CNTNAP2: variants seen among roughly 807,000 people sequenced by gnomAD.
CNTNAP2 encodes the protein contactin associated protein 2.
A neutral mutation model predicts 155.2 loss-of-function variants in CNTNAP2; 98 were observed. That is an observed-to-expected ratio of 0.63 (90% confidence interval 0.54 to 0.75). CNTNAP2 has a LOEUF of 0.75. CNTNAP2 is among the 30% of genes least tolerant of loss of function. CNTNAP2 has a pLI of 0.00. For missense variants in CNTNAP2, 1,727 were observed against 1,688.1 expected (o/e 1.02, Z -0.40); for synonymous variants, 651 against 631.2 (o/e 1.03, Z -0.47).
chr7:146,234,150 T>C (rs968563739), intron 1 of CNTNAP2, among the ~76,000 whole-genome samples: 13 of 149,840 alleles, frequency 8.7e-5, no homozygotes, highest in Non-Finnish European at 1.5e-4. Context: ...TTTTTAATGA[T>C]TGCCATTCTA....
chr7:147,366,597 C>T (rs1413797082), intron 9 of CNTNAP2, among the ~76,000 whole-genome samples: 1 of 151,820 alleles, frequency 6.6e-6, no homozygotes, highest in African/African-American at 2.4e-5. Context: ...ATACTATATT[C>T]TTTATTTTTA....
intron 8 of CNTNAP2, among the ~76,000 whole-genome samples, chr7:147,249,759 C>T (rs1285229422): frequency 6.6e-6 from 1 of 151,988 alleles, no homozygotes; most frequent in African/African-American, 2.4e-5. Flanking sequence ...TGATTGAGTC[C>T]AGTTGTGATA....
chr7:146,155,030 A>T (rs1798104496), intron 1 of CNTNAP2, among the ~76,000 whole-genome samples: 1 of 152,232 alleles, frequency 6.6e-6, no homozygotes, highest in African/African-American at 2.4e-5. Flanking sequence ...ACACATAGAT[A>T]TAAACTCTAA....
At chr7:146,243,580 A>AT (rs1399408268) in intron 1 of CNTNAP2, among the ~76,000 whole-genome samples, 1 of 152,134 alleles carries the variant, frequency 6.6e-6, no homozygotes, top group Non-Finnish European at 1.5e-5. Context: ...TTAAATATTA[A>AT]TTTTTTCTAT....
intron 13 of CNTNAP2, among the ~76,000 whole-genome samples, chr7:147,801,333 T>TA (rs1255321510): frequency 1.4e-5 from 2 of 140,100 alleles, no homozygotes; most frequent in African/African-American, 2.8e-5. Context: ...TTTAATTTTT[T>TA]TTTTTTTTTA....
chr7:147,132,776 T>C (rs2129285390), intron 8 of CNTNAP2, among the ~76,000 whole-genome samples: 1 of 152,272 alleles, frequency 6.6e-6, no homozygotes, highest in South Asian at 2.1e-4. Context: ...TTATTTTTAA[T>C]AGATAAATTG....
intron 11 of CNTNAP2, among the ~76,000 whole-genome samples, chr7:147,550,692 G>C (rs916774210): frequency 6.6e-6 from 1 of 152,120 alleles, no homozygotes; most frequent in Non-Finnish European, 1.5e-5. Context: ...TTTGCCTCTG[G>C]CCACTGAGGA....
intron 13 of CNTNAP2, among the ~76,000 whole-genome samples, chr7:147,870,597 C>T (rs1329235645): frequency 6.6e-6 from 1 of 152,176 alleles, no homozygotes; most frequent in Non-Finnish European, 1.5e-5. Flanking sequence ...ATGCTCAACC[C>T]CAATGCCAAG....
chr7:146,532,338 G>A (rs1797782162), intron 1 of CNTNAP2, among the ~76,000 whole-genome samples: 1 of 152,124 alleles, frequency 6.6e-6, no homozygotes, highest in Non-Finnish European at 1.5e-5. Context: ...TAAAAATATG[G>A]AAAAGTGTGT....
intron 11 of CNTNAP2, among the ~76,000 whole-genome samples, chr7:147,489,063 C>A (rs896202358): frequency 1.3e-5 from 2 of 152,214 alleles, no homozygotes; most frequent in Non-Finnish European, 2.9e-5. Flanking sequence ...TGTCACCATA[C>A]ATTGTTTGCT....
rs374732115 is a variant in CNTNAP2, at chr7:147,699,035, T to G, written c.2098+59729T>G. On this transcript the variant is annotated intron_variant, in intron 13 of 23. Coordinates refer to ENST00000361727, the MANE Select transcript of CNTNAP2 (RefSeq NM_014141.6). ...TTGACCAATAGAACTAAAGAAGAAC[T>G]TGATAAATTTGACTACATGTAAACA... 3.0e-4 allele frequency among the ~76,000 whole-genome samples: 46 copies of G among 152,110 alleles called. 2 individuals are homozygous for G. In the East Asian group the frequency reaches 4.3e-3, roughly 14 times the overall value.
rs141681589 is a variant in CNTNAP2, at chr7:146,496,877, C to T, written c.98-277394C>T. Among the ~76,000 whole-genome samples the T allele has an allele frequency of 4.6e-3, 697 of 152,298 alleles. 4 individuals are homozygous for T. Among genetic ancestry groups the T allele is most frequent in the Non-Finnish European group, 6.6e-3 (446 of 68,014 alleles). On this transcript the variant is annotated intron_variant, in intron 1 of 23. Transcript: ENST00000361727. ...CCTGTAGACTTAAATCATCCAACTG[C>T]AGAGCATCTGTTAATGTGTTCTCAG...
chr7:148,100,245 T>C (rs1391528286), intron 15 of CNTNAP2, among the ~76,000 whole-genome samples: 2 of 152,114 alleles, frequency 1.3e-5, no homozygotes, highest in African/African-American at 2.4e-5. Flanking sequence ...CCTTTTGTTC[T>C]GTCTAAACTC....
chr7:148,074,698 A>C (rs1803449007), intron 15 of CNTNAP2, among the ~76,000 whole-genome samples: 1 of 152,062 alleles, frequency 6.6e-6, no homozygotes, highest in Non-Finnish European at 1.5e-5. Flanking sequence ...AAAAAAAAAA[A>C]ATTGAGAATC....
chr7:147,681,664 A>G (rs561565483), intron 13 of CNTNAP2, among the ~76,000 whole-genome samples: 69 of 152,080 alleles, frequency 4.5e-4, no homozygotes, highest in African/African-American at 1.6e-3. Flanking sequence ...TGAAAAAACT[A>G]TCTGCTCAAC....
At chr7:146,531,684 A>G (rs1354555121) in intron 1 of CNTNAP2, among the ~76,000 whole-genome samples, 2 of 152,086 alleles carry the variant, frequency 1.3e-5, no homozygotes, top group Non-Finnish European at 2.9e-5. Flanking sequence ...TAGCGGGATT[A>G]CAGGCACACA....
chr7:146,735,721 G>GCATATATATACATATGCA (rs1563209925), intron 1 of CNTNAP2, among the ~76,000 whole-genome samples: 7 of 151,998 alleles, frequency 4.6e-5, no homozygotes, highest in African/African-American at 1.7e-4. Context: ...ATATATATGT[G>GCATATATATACATATGCA]TAGAGAATAG....
At chr7:148,221,930 C>T (rs1186979543) in intron 19 of CNTNAP2, among the ~76,000 whole-genome samples, 1 of 152,234 alleles carries the variant, frequency 6.6e-6, no homozygotes. Flanking sequence ...GTAGTGTTTA[C>T]GTCATGGTGT....
At chr7:147,371,440 T>C (rs1362155390) in intron 9 of CNTNAP2, among the ~76,000 whole-genome samples, 1 of 152,198 alleles carries the variant, frequency 6.6e-6, no homozygotes, top group Non-Finnish European at 1.5e-5. Flanking sequence ...AAAAAAGTAT[T>C]ATTACATTTA....
Sources: allele counts gnomAD v4.1 joint callset (sites outside exome capture counted in the v4.1 genomes callset), GRCh38; gene constraint gnomAD v4.1.1; transcripts MANE v1.5; gene names NCBI Gene and HGNC (gene_info 2026-07-23, HGNC 2026-07-21).